Variants in HYCC1 observed in about 807,000 individuals in gnomAD.
HYCC1 encodes the protein hyccin.
the HYCC1 span, among the ~76,000 whole-genome samples, chr7:22,905,414 TAGTAGAGACAGTGTTTCTCC>T: frequency 1.4e-5 from 2 of 143,528 alleles, no homozygotes; most frequent in Admixed American, 6.9e-5. Context: ...TTTTTTTTTT[TAGTAGAGACAGTGTTTCTCC>T]TTGTTGGCCG....
the HYCC1 span, among the ~76,000 whole-genome samples, chr7:22,909,242 GGAA>G: frequency 3.9e-5 from 6 of 152,088 alleles, no homozygotes; most frequent in African/African-American, 1.4e-4. Flanking sequence ...GTGAGTTGTT[GGAA>G]GATTTGGTTG....
the HYCC1 span, among the ~76,000 whole-genome samples, chr7:22,913,148 T>C: frequency 6.6e-6 from 1 of 151,528 alleles, no homozygotes; most frequent in African/African-American, 2.4e-5. Flanking sequence ...AGAAGTACTC[T>C]CCTGGGGTCA....
At chr7:22,938,723 A>G in the HYCC1 span, 1 of 152,158 alleles carries the variant, frequency 6.6e-6, no homozygotes, top group Non-Finnish European at 1.5e-5. Context: ...CTTTCTAACT[A>G]CAATCCACTA....
At chr7:22,911,508 T>C in the HYCC1 span, among the ~76,000 whole-genome samples, 98,313 of 152,026 alleles carry the variant, frequency 0.65, 31,793 homozygotes, top group Non-Finnish European at 0.67. Flanking sequence ...GCCTGTAATC[T>C]CAGCACTTTG....
chr7:22,972,251 C>T, the HYCC1 span, among the ~76,000 whole-genome samples: 1 of 152,072 alleles, frequency 6.6e-6, no homozygotes, highest in Non-Finnish European at 1.5e-5. Context: ...AAATGGCTTA[C>T]TCGTAACAAA....
At chr7:22,960,646 G>A in the HYCC1 span, among the ~76,000 whole-genome samples, 15 of 152,258 alleles carry the variant, frequency 9.9e-5, no homozygotes, top group South Asian at 1.9e-3. Context: ...TATTCAATTA[G>A]ATTTCCAAAT....
chr7:22,949,955 T>G, the HYCC1 span, among the ~76,000 whole-genome samples: 3 of 152,088 alleles, frequency 2.0e-5, no homozygotes, highest in East Asian at 5.8e-4. Flanking sequence ...AGCAAGTAAT[T>G]CTGTACAGAG....
At chr7:22,965,632 T>C in the HYCC1 span, among the ~76,000 whole-genome samples, 7 of 151,560 alleles carry the variant, frequency 4.6e-5, no homozygotes, top group Non-Finnish European at 1.0e-4. Context: ...TTATTTATTA[T>C]TATTAGTTTT....
At chr7:22,957,972 CAATTA>C in the HYCC1 span, among the ~76,000 whole-genome samples, 1 of 151,014 alleles carries the variant, frequency 6.6e-6, no homozygotes, top group South Asian at 2.1e-4. Flanking sequence ...TATATTAACA[CAATTA>C]AATTAAAAAA....
chr7:22,996,292 CAAA>C, the HYCC1 span, among the ~76,000 whole-genome samples: 1 of 55,634 alleles, frequency 1.8e-5, no homozygotes. Flanking sequence ...GACTCCGTCT[CAAA>C]AAAAAAAAAA....
the HYCC1 span, chr7:22,934,856 G>T: frequency 6.6e-6 from 1 of 152,324 alleles, no homozygotes; most frequent in Admixed American, 6.5e-5. Flanking sequence ...TAGTGATAGA[G>T]GCACCCTCTG....
chr7:22,917,539 T>C, the HYCC1 span, among the ~76,000 whole-genome samples: 2 of 152,276 alleles, frequency 1.3e-5, no homozygotes, highest in Middle Eastern at 3.4e-3. Context: ...GAAACTAAAA[T>C]ACCTCTTGGT....
the HYCC1 span, among the ~76,000 whole-genome samples, chr7:22,950,858 T>C: frequency 6.6e-6 from 1 of 151,220 alleles, no homozygotes; most frequent in South Asian, 2.1e-4. Flanking sequence ...CTTAACAATC[T>C]ATGCAAATGG....
chr7:22,908,695 C>T, the HYCC1 span, among the ~76,000 whole-genome samples: 1 of 152,142 alleles, frequency 6.6e-6, no homozygotes, highest in Non-Finnish European at 1.5e-5. Context: ...ATTAAGTGTA[C>T]CCAAAGAGAG....
At chr7:22,957,424 TAATA>T in the HYCC1 span, among the ~76,000 whole-genome samples, 2 of 149,794 alleles carry the variant, frequency 1.3e-5, no homozygotes, top group African/African-American at 2.5e-5. Context: ...GGAAATGCAA[TAATA>T]AATAAAGACA....
the HYCC1 span, among the ~76,000 whole-genome samples, chr7:22,922,375 A>G: frequency 6.6e-6 from 1 of 152,232 alleles, no homozygotes; most frequent in Non-Finnish European, 1.5e-5. Context: ...ATTATAAGTC[A>G]AAAATGCATT....
chr7:22,900,705 A>C, the HYCC1 span, among the ~76,000 whole-genome samples: 1 of 152,200 alleles, frequency 6.6e-6, no homozygotes, highest in Non-Finnish European at 1.5e-5. Context: ...GAACAGAAGA[A>C]CAAAAAATGA....
At chr7:22,997,074 G>A in the HYCC1 span, among the ~76,000 whole-genome samples, 1 of 152,030 alleles carries the variant, frequency 6.6e-6, no homozygotes. Context: ...AGCCCAATAA[G>A]TCTGTATAAC....
At chr7:22,902,411 C>G in the HYCC1 span, among the ~76,000 whole-genome samples, 1 of 149,460 alleles carries the variant, frequency 6.7e-6, no homozygotes, top group African/African-American at 2.4e-5. Flanking sequence ...TTAATTACAA[C>G]AAAAGTCAGA....
Sources: gnomAD v4.1 joint callset for allele counts (sites outside exome capture counted in the v4.1 genomes callset) on GRCh38, gnomAD v4.1.1 for gene constraint, MANE v1.5 for transcripts, NCBI Gene and HGNC (gene_info 2026-07-23, HGNC 2026-07-21) for gene names.